Variants in KDM3A observed in about 807,000 individuals in gnomAD.
The protein encoded by KDM3A is lysine-specific demethylase 3A.
A neutral mutation model predicts 158.0 loss-of-function variants in KDM3A; 60 were observed. The ratio of observed to expected loss-of-function variants is 0.38; its 90% CI spans 0.31 to 0.47. KDM3A has a LOEUF of 0.47. Among genes scored for constraint, KDM3A ranks in the 20% least tolerant of loss-of-function variants. KDM3A has a pLI of 0.99. For synonymous variants in KDM3A, 608 were observed against 549.3 expected (o/e 1.11, Z -1.49); for missense variants, 1,319 against 1,574.3 (o/e 0.84, Z 2.74).
intron 3 of KDM3A, 39 bp downstream of exon 3, chr2:86,450,001 G>A: frequency 6.4e-7 from 1 of 1,566,680 alleles, no homozygotes; most frequent in Non-Finnish European, 8.6e-7. Context: ...CTGAGAAGAG[G>A]GCATTTTATC....
At chr2:86,445,876 G>A (rs1279332820) in intron 2 of KDM3A, among the ~76,000 whole-genome samples, 2 of 152,216 alleles carry the variant, frequency 1.3e-5, no homozygotes, top group Non-Finnish European at 2.9e-5. Context: ...TCTTTGTGGA[G>A]TAGTGAATTA....
intron 23 of KDM3A, 149 bp from the exon 24 acceptor site, chr2:86,490,732 T>C (rs1573217480): frequency 1.7e-6 from 1 of 576,410 alleles, no homozygotes; most frequent in South Asian, 2.4e-5. Context: ...CTGAAGTCTT[T>C]GATACTACTA....
chr2:86,456,791 C>T lies in KDM3A; in HGVS notation c.682-14C>T. On this transcript the variant is annotated splice_polypyrimidine_tract_variant and intron_variant, in intron 6 of 25. Coordinates refer to ENST00000312912, the MANE Select transcript of KDM3A (RefSeq NM_018433.6). The stretch of plus-strand genomic sequence containing the variant: ...TTTTTATTTTCCGGTATCTTTGTTT[C>T]ATTTATTTTTAAGATTCCAGCACTG... 6.3e-7 allele frequency: 1 copy of T among 1,598,356 alleles called. No individual in the cohort carries two copies. Among genetic ancestry groups the T allele is most frequent in the Non-Finnish European group, 8.6e-7 (1 of 1,167,032 alleles).
chr2:86,457,150 TATTTA>T (rs1672741323), intron 8 of KDM3A, 79 bp downstream of exon 8: 1 of 512,220 alleles, frequency 2.0e-6, no homozygotes, highest in Non-Finnish European at 3.1e-6. Flanking sequence ...TTTTATTATT[TATTTA>T]ATTATTTTTA....
Position 86,482,590 on chromosome 2 carries a change from G to C in KDM3A, c.2818G>C (p.Asp940His). Residue 940 changes from aspartate (D) to histidine (H), a missense_variant, in exon 18 of 26, where the codon GAC (aspartate) becomes CAC (histidine). Transcript: ENST00000312912. The part of the protein sequence containing the change: ...LTIKPSILGF[D>H]TPHYWLCDNR... ...CATCAAGCCCAGCATTCTGGGCTTT[G>C]ACACTCCTCACTATTGGCTTTGTGA... The C allele has an allele frequency of 1.9e-6, 3 of 1,613,952 alleles. No homozygotes were observed. Among genetic ancestry groups the C allele is most frequent in the Non-Finnish European group, 2.5e-6 (3 of 1,179,876 alleles).
At chr2:86,464,031 C>A in intron 8 of KDM3A, 22 bp from the exon 9 acceptor site, 1 of 1,485,776 alleles carries the variant, frequency 6.7e-7, no homozygotes, top group Non-Finnish European at 9.0e-7. Flanking sequence ...CTTTTAATAT[C>A]TGTTGGTTTG....
chr2:86,449,847 G>A lies in KDM3A; in HGVS notation c.227G>A (p.Arg76Lys). The change falls in exon 3 of 26, where the codon AGA becomes AAA. Residue 76 changes from arginine (R) to lysine (K), a missense_variant. Arg to Lys is a conservative substitution (Grantham distance 26). Transcript: ENST00000312912. The part of the protein sequence containing the change: ...EFDGESWRKR[R>K]WIEVYSLLRR... The stretch of plus-strand genomic sequence containing the variant: ...GATGGGGAATCTTGGAGGAAAAGAA[G>A]ATGGATAGAAGTCTACAGCCTTCTA... 1 of 1,613,290 alleles carries A rather than the reference G, an allele frequency of 6.2e-7. No homozygotes were observed. The highest frequency in any genetic ancestry group is 8.5e-7 in the Non-Finnish European group (1 of 1,179,684).
At chr2:86,449,193 G>C (rs749442276) in intron 2 of KDM3A, among the ~76,000 whole-genome samples, 25 of 152,290 alleles carry the variant, frequency 1.6e-4, no homozygotes, top group Non-Finnish European at 2.8e-4. Flanking sequence ...GAAAAACTTT[G>C]TGGTCATTTT....
intron 9 of KDM3A, among the ~76,000 whole-genome samples, chr2:86,465,228 A>G (rs1673083958): frequency 6.6e-6 from 1 of 152,176 alleles, no homozygotes; most frequent in Non-Finnish European, 1.5e-5. Flanking sequence ...TACAGGGAAA[A>G]TACCAAATCG....
intron 2 of KDM3A, chr2:86,442,561 T>C: frequency 4.7e-6 from 1 of 211,176 alleles, no homozygotes; most frequent in Non-Finnish European, 9.5e-6. Flanking sequence ...AGGTAGGGCC[T>C]GTAAGTGACG....
chr2:86,491,170 G>A lies in KDM3A; in HGVS notation c.3780G>A (p.Val1260=), dbSNP rs923602228. Residue 1260 remains valine, a synonymous_variant, in exon 25 of 26, where the codon GTG becomes GTA. Transcript: ENST00000312912. ...QVHNLYSCIK[V]AEDFVSPEHV... The stretch of plus-strand genomic sequence containing the variant: ...ATAACTTATATAGCTGCATCAAAGT[G>A]GCTGAAGATTTTGTTTCTCCAGAGC... 3 of 1,613,836 alleles carry A rather than the reference G, an allele frequency of 1.9e-6. No homozygotes were observed.
At chr2:86,468,518 C>G (rs960315995) in intron 10 of KDM3A, among the ~76,000 whole-genome samples, 1 of 150,788 alleles carries the variant, frequency 6.6e-6, no homozygotes, top group Admixed American at 6.6e-5. Flanking sequence ...TGTTATGTAG[C>G]TATTCCCCAT....
chr2:86,465,135 A>G (rs184211244), intron 9 of KDM3A, among the ~76,000 whole-genome samples: 2 of 152,348 alleles, frequency 1.3e-5, no homozygotes, highest in East Asian at 3.9e-4. Context: ...TATAATAGAA[A>G]AAAAGGACTT....
rs887850900 is a variant in KDM3A at position 86,460,984 on chromosome 2, G to A, written c.844-3069G>A. On this transcript the variant is annotated intron_variant, in intron 8 of 25. Transcript: ENST00000312912. Reference sequence around the variant, plus strand: ...CTTGAGTTTCTTAAAGGAAAAGCACGCTAAGTTGTGCTAATTCTAACACAC... The same window carrying A: ...CTTGAGTTTCTTAAAGGAAAAGCACACTAAGTTGTGCTAATTCTAACACAC... Among the ~76,000 whole-genome samples the A allele has an allele frequency of 2.6e-5, 4 of 152,160 alleles. No homozygotes were observed. The South Asian group carries it at 6.2e-4, about 24-fold the overall frequency.
At chr2:86,441,858 G>A (rs1682727564) in intron 1 of KDM3A, 160 bp from the exon 2 acceptor site, 1 of 309,264 alleles carries the variant, frequency 3.2e-6, no homozygotes. Context: ...GGGGGAGGGC[G>A]GCGGGGGGCG....
intron 14 of KDM3A, 138 bp from the exon 15 acceptor site, chr2:86,478,470 G>A: frequency 9.8e-7 from 1 of 1,019,986 alleles, no homozygotes; most frequent in South Asian, 1.6e-5. Flanking sequence ...TGCATTTTGG[G>A]GAAGGCCTCT....
At chr2:86,482,925 C>T (rs1674009831) in intron 18 of KDM3A, 3 of 516,638 alleles carry the variant, frequency 5.8e-6, no homozygotes, top group Admixed American at 7.2e-5. Context: ...TCCTACCAGT[C>T]CCTGTTGGGT....
chr2:86,440,344 T>C (rs1682627113), upstream of KDM3A, among the ~76,000 whole-genome samples: 1 of 152,216 alleles, frequency 6.6e-6, no homozygotes, highest in Non-Finnish European at 1.5e-5. Flanking sequence ...GAGTTCTTCT[T>C]AAGGATTAAA....
In KDM3A at chr2:86,441,463, C is replaced by G. The variant is rs1230983948; in HGVS notation, c.-31+19C>G. ...AGGCGGGGTAAGAGCGCCGCGGCCT[C>G]GGCTGCGGGGAGAGGGGAGAGAAAG... On this transcript the variant is annotated intron_variant, in intron 1 of 25. Transcript: ENST00000312912. 2.0e-5 allele frequency: 3 copies of G among 151,978 alleles called. No homozygotes were observed. Among genetic ancestry groups the G allele is most frequent in the African/African-American group, 4.8e-5 (2 of 41,376 alleles). The allele number at this position is 151,978 out of a possible 1,614,324, so 9.4% of individuals were successfully genotyped here.
Sources: gnomAD v4.1 joint callset for allele counts (sites outside exome capture counted in the v4.1 genomes callset) on GRCh38, gnomAD v4.1.1 for gene constraint, MANE v1.5 for transcripts, NCBI Gene and HGNC (gene_info 2026-07-23, HGNC 2026-07-21) for gene names.